The following PLEKHG5 variants were observed in gnomAD, a reference collection of about 807,000 sequenced individuals.
The protein encoded by PLEKHG5 is pleckstrin homology domain-containing family G member 5.
Under a neutral mutation model 103.8 loss-of-function variants are expected in PLEKHG5, and 52 were observed. The observed-to-expected ratio is 0.50, with a 90% CI of 0.40 to 0.63. The LOEUF is 0.63. Ranked by LOEUF, PLEKHG5 falls within the 30% of genes least tolerant of loss-of-function variation. PLEKHG5 has a pLI of 0.00. For synonymous variants in PLEKHG5, 592 were observed against 575.5 expected, an observed-to-expected ratio of 1.03 and a Z score of -0.41; for missense variants, 1,205 against 1,347.6, an observed-to-expected ratio of 0.89 and a Z score of 1.66.
chr1:6,497,244 C>A, upstream of PLEKHG5: 1 of 881,532 alleles, frequency 1.1e-6, no homozygotes, highest in South Asian at 1.4e-5. The surrounding 1 kb of genome is among the most constrained non-coding windows in gnomAD (Gnocchi z 6.1). Flanking sequence ...AGCGGGCCCT[C>A]CCCGGAGGAG....
intron 1 of PLEKHG5, among the ~76,000 whole-genome samples, chr1:6,510,656 C>T (rs1490190897): frequency 6.6e-6 from 1 of 152,348 alleles, no homozygotes; most frequent in East Asian, 1.9e-4. Flanking sequence ...GGGCCAATAC[C>T]TGATAGTGAC....
intron 1 of PLEKHG5, among the ~76,000 whole-genome samples, chr1:6,489,717 G>A (rs938613163): frequency 3.9e-5 from 6 of 152,154 alleles, no homozygotes; most frequent in African/African-American, 1.4e-4. Context: ...ACCTGGTCTG[G>A]AGCCTACGTT....
In PLEKHG5 at chr1:6,470,973, GGCAC is replaced by G. The variant is rs775042857; in HGVS notation, c.1392+13_1392+16del. ...CCCGTCCTCCTGCGCCCCCGCCCACGGCACGCGCGCCCTCACCGTGATGTAGGCC... is the reference window on the plus strand; with the variant it reads ...CCCGTCCTCCTGCGCCCCCGCCCACGGCGCGCCCTCACCGTGATGTAGGCC... On this transcript the variant is annotated intron_variant, in intron 13 of 20. Coordinates refer to ENST00000377728, the MANE Select transcript of PLEKHG5 (RefSeq NM_020631.6). 2.0e-6 allele frequency: 3 copies of G among 1,506,358 alleles called. No individual in the cohort carries two copies. The highest frequency in any genetic ancestry group is 1.9e-5 in the Admixed American group (1 of 54,040). 93.3% of individuals were successfully genotyped at this position (1,506,358 alleles called of 1,614,324 possible).
chr1:6,483,348 G>C (rs1480323666), intron 1 of PLEKHG5, among the ~76,000 whole-genome samples: 1 of 152,190 alleles, frequency 6.6e-6, no homozygotes, highest in Non-Finnish European at 1.5e-5. Context: ...CACCCTTCAG[G>C]AGTGATCTTC....
At chr1:6,475,189 T>C (rs776393297) in intron 4 of PLEKHG5, 51 bp from the exon 5 acceptor site, 3 of 1,015,232 alleles carry the variant, frequency 3.0e-6, no homozygotes, top group Admixed American at 3.4e-5. Context: ...ACCGCCCTCA[T>C]TCCCGCCCTC....
chr1:6,507,776 C>T (rs190264147), intron 1 of PLEKHG5, among the ~76,000 whole-genome samples: 11 of 152,286 alleles, frequency 7.2e-5, no homozygotes, highest in South Asian at 4.1e-4. Flanking sequence ...CCTCCCGCGC[C>T]GGCACGGGGC....
chr1:6,468,108 G>T lies in PLEKHG5; in HGVS notation c.2728C>A (p.Pro910Thr). Residue 910 changes from proline (P) to threonine (T), a missense_variant, in exon 20 of 21, where the codon CCA becomes ACA. Coordinates refer to ENST00000377728, the MANE Select transcript of PLEKHG5 (RefSeq NM_020631.6). The part of the protein sequence containing the change: ...RSLSELCLAV[P>T]APGIRTQGSP... ...CCCTGAGTCCTAATACCTGGGGCTG[G>T]AACAGCCAGGCAGAGCTCTGACAGG... 1 of 1,581,470 alleles carries T rather than the reference G, an allele frequency of 6.3e-7. No homozygotes were observed. Among genetic ancestry groups the T allele is most frequent in the Non-Finnish European group, 8.6e-7 (1 of 1,163,898 alleles).
At chr1:6,470,203 C>T (rs779438521) in intron 16 of PLEKHG5, 33 bp downstream of exon 16, 1 of 1,611,574 alleles carries the variant, frequency 6.2e-7, no homozygotes, top group South Asian at 1.1e-5. Flanking sequence ...CTAGGAAGGG[C>T]AGGGCACAGG....
intron 1 of PLEKHG5, among the ~76,000 whole-genome samples, chr1:6,502,902 C>T (rs1645312126): frequency 6.6e-6 from 1 of 152,220 alleles, no homozygotes; most frequent in Non-Finnish European, 1.5e-5. Flanking sequence ...GTGTGCAGCC[C>T]CCCGGCGCCT....
At chr1:6,493,606 C>A (rs571576599), upstream of PLEKHG5, among the ~76,000 whole-genome samples, 1 of 152,184 alleles carries the variant, frequency 6.6e-6, no homozygotes, top group Non-Finnish European at 1.5e-5. Flanking sequence ...GGGCCTAACG[C>A]CCCGCCTGGC....
chr1:6,514,654 G>A (rs1194812010), intron 1 of PLEKHG5, among the ~76,000 whole-genome samples: 1 of 151,334 alleles, frequency 6.6e-6, no homozygotes, highest in Non-Finnish European at 1.5e-5. Flanking sequence ...CCAGGTACTC[G>A]GGAGGCTGAG....
intron 7 of PLEKHG5, 27 bp from the exon 8 acceptor site, chr1:6,473,481 G>T: frequency 6.7e-7 from 1 of 1,487,318 alleles, no homozygotes; most frequent in Non-Finnish European, 8.9e-7. Flanking sequence ...GGTCAGGGCC[G>T]GGACCCCCTG....
intron 1 of PLEKHG5, among the ~76,000 whole-genome samples, chr1:6,519,075 C>G (rs1338084985): frequency 6.6e-6 from 1 of 152,226 alleles, no homozygotes; most frequent in Non-Finnish European, 1.5e-5. Flanking sequence ...ATCTCCTAAC[C>G]TTGTGATCCG....
chr1:6,470,598 G>T lies in PLEKHG5; in HGVS notation c.1588C>A (p.Arg530=), dbSNP rs1480269028. The T allele has an allele frequency of 3.1e-6, 5 of 1,601,020 alleles. No individual in the cohort carries two copies. The highest frequency in any genetic ancestry group is 2.2e-5 in the East Asian group (1 of 44,556). Residue 530 remains arginine, a synonymous_variant, in exon 15 of 21, where the codon CGG becomes AGG. Coordinates refer to ENST00000377728, the MANE Select transcript of PLEKHG5 (RefSeq NM_020631.6). The stretch of plus-strand genomic sequence containing the variant: ...AGCCGCTGCCGCTCCTGCCGCTGCC[G>T]CATGCACGCGTTCACGTGGTGGATG... The part of the protein sequence containing the change: ...RFIHHVNACM[R]QRQERQRLAA...
At position 6,468,339 on chromosome 1, in the gene PLEKHG5, G is replaced by A. The variant is rs866137203; in HGVS notation, c.2497C>T (p.Pro833Ser). ...GGCACTAGCTCTGCCATTGGGCCTGGGGCCACAAAGTCTTGTAAGGAGGTT... is the reference window on the plus strand; with the variant it reads ...GGCACTAGCTCTGCCATTGGGCCTGAGGCCACAAAGTCTTGTAAGGAGGTT... ...SPTSLQDFVAPGPMAELVPRA... is the reference protein window; with the variant it reads ...SPTSLQDFVASGPMAELVPRA... Residue 833 changes from proline (P) to serine (S), a missense_variant, in exon 20 of 21, where the codon CCA becomes TCA. Transcript: ENST00000377728. 6.2e-7 allele frequency: 1 copy of A among 1,609,464 alleles called. No homozygotes were observed. Among genetic ancestry groups the A allele is most frequent in the South Asian group, 1.1e-5 (1 of 90,526 alleles).
upstream of PLEKHG5, among the ~76,000 whole-genome samples, chr1:6,498,919 G>T (rs2148629416): frequency 6.6e-6 from 1 of 152,346 alleles, no homozygotes; most frequent in South Asian, 2.1e-4. Context: ...CCTGCCTGCT[G>T]GGAGGAAGCT....
chr1:6,478,518 ACTTT>A (rs1313016655), intron 1 of PLEKHG5, among the ~76,000 whole-genome samples: 2 of 152,182 alleles, frequency 1.3e-5, no homozygotes, highest in Admixed American at 6.5e-5. Flanking sequence ...GCTACGGCTG[ACTTT>A]CTTTCTTTCC....
upstream of PLEKHG5, among the ~76,000 whole-genome samples, chr1:6,495,178 C>T (rs1176568885): frequency 6.6e-6 from 1 of 152,238 alleles, no homozygotes; most frequent in Admixed American, 6.5e-5. Context: ...GGAGCTGAGG[C>T]CAATTTGTTG....
Position 6,467,424 on chromosome 1 carries a change from C to T in PLEKHG5, c.*139G>A. ...CAGTCCGGCAAAGCGCAAATCGGGC[C>T]CGGGCGTAGGCAGGGATCCTGCCCA... On this transcript the variant is annotated 3_prime_UTR_variant, in exon 21 of 21. Transcript: ENST00000377728. 1 of 932,262 alleles carries T rather than the reference C, an allele frequency of 1.1e-6. No individual in the cohort carries two copies. The highest frequency in any genetic ancestry group is 1.7e-5 in the Admixed American group (1 of 59,048). 57.7% of individuals were successfully genotyped at this position (932,262 alleles called of 1,614,324 possible). A position where few individuals can be genotyped will look rare whatever the true frequency, so the allele number is the denominator to read the frequency against.
Sources: allele counts gnomAD v4.1 joint callset (sites outside exome capture counted in the v4.1 genomes callset), GRCh38; gene constraint gnomAD v4.1.1; non-coding constraint Gnocchi (gnomAD v3.1); transcripts MANE v1.5; gene names NCBI Gene and HGNC (gene_info 2026-07-23, HGNC 2026-07-21).